CTDSP1: variants seen among roughly 807,000 people sequenced by gnomAD.
The protein encoded by CTDSP1 is carboxy-terminal domain RNA polymerase II polypeptide A small phosphatase 1.
Under a neutral mutation model 32.5 loss-of-function variants are expected in CTDSP1, and 15 were observed. The ratio of observed to expected loss-of-function variants is 0.46; its 90% CI spans 0.31 to 0.71. The LOEUF (loss-of-function observed/expected upper bound fraction) is 0.71. CTDSP1 is among the 30% of genes least tolerant of loss of function. The pLI is 0.05. For missense variants in CTDSP1, 294 were observed against 351.1 expected (o/e 0.84, Z 1.30); for synonymous variants, 185 against 145.4 (o/e 1.27, Z -1.96).
chr2:218,402,876 A>G, intron 4 of CTDSP1, 159 bp from the exon 5 acceptor site: 1 of 665,376 alleles, frequency 1.5e-6, no homozygotes, highest in South Asian at 1.7e-5. Context: ...GGGTGGGTAC[A>G]GTTTCCCCAG....
At position 218,403,333 on chromosome 2, in the gene CTDSP1, C is replaced by T. The variant is rs1697253980; in HGVS notation, c.573C>T (p.Asp191=). The T allele has an allele frequency of 1.2e-6, 2 of 1,614,126 alleles. No homozygotes were observed. The highest frequency in any genetic ancestry group is 8.5e-7 in the Non-Finnish European group (1 of 1,180,012). ...TCCACCGGGGGAACTACGTGAAGGA[C>T]CTGAGCCGGTTGGGTCGAGACCTGC... The part of the protein sequence containing the change: ...CVFHRGNYVK[D]LSRLGRDLRR... The change falls in exon 6 of 7, where the codon GAC becomes GAT. Residue 191 remains aspartate (D), a synonymous_variant. Coordinates refer to ENST00000273062, the MANE Select transcript of CTDSP1 (RefSeq NM_021198.3).
At chr2:218,403,606 C>G (rs1198443272) in intron 6 of CTDSP1, 189 bp downstream of exon 6, 1 of 550,628 alleles carries the variant, frequency 1.8e-6, no homozygotes, top group Non-Finnish European at 3.2e-6. Flanking sequence ...ATGGTCTTTT[C>G]CCCTCGCACA....
intron 2 of CTDSP1, 98 bp downstream of exon 2, chr2:218,401,810 C>G (rs1697158510): frequency 1.6e-6 from 2 of 1,230,192 alleles, no homozygotes; most frequent in South Asian, 1.6e-5. Context: ...GATGGACTTG[C>G]AGACCTGAAA....
At position 218,404,558 on chromosome 2, in the gene CTDSP1, C is replaced by CCCCCACCAG. The variant is rs1697316596; in HGVS notation, c.*143_*151dup. The CCCCCACCAG allele has an allele frequency of 9.0e-7, 1 of 1,113,414 alleles. No homozygotes were observed. The highest frequency in any genetic ancestry group is 1.5e-5 in the South Asian group (1 of 65,338). The allele number at this position is 1,113,414 out of a possible 1,614,324, so 69.0% of individuals were successfully genotyped here. On this transcript the variant is annotated 3_prime_UTR_variant, in exon 7 of 7. Transcript: ENST00000273062. ...CAGTGCCATGGGGAAGCGGGCGTCT[C>CCCCCACCAG]CCCCACCAGCCCCACCAGGCGGTGT...
chr2:218,396,847 T>C (rs564878098), upstream of CTDSP1: 15 of 152,588 alleles, frequency 9.8e-5, no homozygotes, highest in Admixed American at 3.3e-4. Flanking sequence ...GTGTTACAAG[T>C]TGGGGAGGGC....
chr2:218,404,379 T>C lies in CTDSP1; in HGVS notation c.740T>C (p.Val247Ala). The C allele has an allele frequency of 6.2e-7, 1 of 1,614,186 alleles. No homozygotes were observed. ...LLPFFEQLSR[V>A]DDVYSVLRQP... ...CCCTTCTTCGAGCAACTCAGCCGTG[T>C]GGACGACGTGTACTCAGTGCTCAGG... Residue 247 changes from valine (V) to alanine (A), a missense_variant, in exon 7 of 7, where the codon GTG becomes GCG. Physicochemically the swap from Val to Ala is moderately conservative, Grantham distance 64. Transcript: ENST00000273062.
At chr2:218,402,509 A>G (rs1315185997) in intron 4 of CTDSP1, 104 bp downstream of exon 4, 1 of 1,166,998 alleles carries the variant, frequency 8.6e-7, no homozygotes, top group Admixed American at 1.8e-5. Flanking sequence ...ATACATGTGG[A>G]ATGTCAGAGG....
At chr2:218,398,316 G>A (rs913632291), upstream of CTDSP1, 32 of 1,122,654 alleles carry the variant, frequency 2.9e-5, no homozygotes, top group South Asian at 6.6e-5. Flanking sequence ...GGGTTAAGAA[G>A]GAGGCCGTTC....
intron 1 of CTDSP1, 110 bp downstream of exon 1, chr2:218,400,267 C>G (rs986251159): frequency 3.0e-6 from 3 of 1,004,116 alleles, no homozygotes; most frequent in Non-Finnish European, 4.4e-6. Flanking sequence ...GCCGCCTTAG[C>G]TGTGCCCGAA....
chr2:218,397,617 G>T (rs571932692), upstream of CTDSP1, among the ~76,000 whole-genome samples: 12 of 152,252 alleles, frequency 7.9e-5, no homozygotes, highest in Admixed American at 7.8e-4. Context: ...CTGACTTGTG[G>T]CCCCCATGAT....
chr2:218,400,287 C>G (rs1202472937), intron 1 of CTDSP1, 130 bp downstream of exon 1: 1 of 831,224 alleles, frequency 1.2e-6, no homozygotes, highest in South Asian at 1.5e-5. Context: ...AGCTCCCAGC[C>G]CGAGAGGGAG....
At position 218,399,935 on chromosome 2, in the gene CTDSP1, T is replaced by TC. The variant is rs1176333709; in HGVS notation, c.-150dup. The TC allele has an allele frequency of 1.9e-6, 1 of 535,028 alleles. No homozygotes were observed. Among genetic ancestry groups the TC allele is most frequent in the Non-Finnish European group, 2.2e-6 (1 of 449,770 alleles). 33.1% of individuals were successfully genotyped at this position (535,028 alleles called of 1,614,324 possible). On this transcript the variant is annotated 5_prime_UTR_variant, in exon 1 of 7. Transcript: ENST00000273062. ...TTCCTCCGCGCCCCCTCCCTCCCCC[T>TC]CCCCCCTAGAACCTGGCTCCCCTCC...
At chr2:218,399,713 C>T (rs1559133717), upstream of CTDSP1, 10 of 994,534 alleles carry the variant, frequency 1.0e-5, no homozygotes, top group Non-Finnish European at 1.2e-5. Flanking sequence ...GGCGACGCCC[C>T]CTGGAGCGCG....
chr2:218,398,248 G>A (rs938319697), upstream of CTDSP1: 4 of 664,240 alleles, frequency 6.0e-6, no homozygotes. Context: ...TGCCCTTGCC[G>A]GTAGACCCGA....
At chr2:218,396,789 C>G (rs1210152804), upstream of CTDSP1, 8 of 152,592 alleles carry the variant, frequency 5.2e-5, no homozygotes, top group Non-Finnish European at 4.4e-5. Context: ...CCGTTGTACC[C>G]CCTACACACC....
At chr2:218,401,887 C>G (rs867598212) in intron 2 of CTDSP1, among the ~76,000 whole-genome samples, 175 bp downstream of exon 2, 3 of 152,206 alleles carry the variant, frequency 2.0e-5, no homozygotes, top group African/African-American at 7.2e-5. Context: ...ACTGAATTCT[C>G]CCTCATAAGT....
Position 218,400,044 on chromosome 2 carries a change from C to A in CTDSP1, c.-47C>A. ...TTCCGGCCCCAGCCGGGGGGGAGGC[C>A]GGGCGCCCGGGCCAGAGTCCGGCCG... On this transcript the variant is annotated 5_prime_UTR_variant, in exon 1 of 7. Coordinates refer to ENST00000273062, the MANE Select transcript of CTDSP1 (RefSeq NM_021198.3). The A allele has an allele frequency of 7.4e-7, 1 of 1,347,586 alleles. No homozygotes were observed. The highest frequency in any genetic ancestry group is 9.6e-7 in the Non-Finnish European group (1 of 1,045,548). The allele number at this position is 1,347,586 out of a possible 1,614,324, so 83.5% of individuals were successfully genotyped here. A position where few individuals can be genotyped will look rare whatever the true frequency, so the allele number is the denominator to read the frequency against.
chr2:218,404,378 G>T lies in CTDSP1; in HGVS notation c.739G>T (p.Val247Leu). Reference sequence around the variant, plus strand: ...CCCCTTCTTCGAGCAACTCAGCCGTGTGGACGACGTGTACTCAGTGCTCAG... The same window carrying T: ...CCCCTTCTTCGAGCAACTCAGCCGTTTGGACGACGTGTACTCAGTGCTCAG... ...LLPFFEQLSR[V>L]DDVYSVLRQP... The change falls in exon 7 of 7, where the codon GTG (valine) becomes TTG (leucine). Residue 247 changes from valine (V) to leucine (L), a missense_variant. Val to Leu is a conservative substitution (Grantham distance 32). Coordinates refer to ENST00000273062, the MANE Select transcript of CTDSP1 (RefSeq NM_021198.3). The T allele has an allele frequency of 6.2e-7, 1 of 1,614,200 alleles. No individual in the cohort carries two copies. The highest frequency in any genetic ancestry group is 8.5e-7 in the Non-Finnish European group (1 of 1,180,018).
upstream of CTDSP1, chr2:218,399,714 C>CTG (rs1190457588): frequency 1.1e-4 from 105 of 995,112 alleles, no homozygotes; most frequent in Non-Finnish European, 1.2e-4. Flanking sequence ...GCGACGCCCC[C>CTG]TGGAGCGCGG....
Sources: allele counts gnomAD v4.1 joint callset (sites outside exome capture counted in the v4.1 genomes callset), GRCh38; gene constraint gnomAD v4.1.1; transcripts MANE v1.5; gene names NCBI Gene and HGNC (gene_info 2026-07-23, HGNC 2026-07-21).